The following TDRD9 variants were observed in gnomAD, a reference collection of about 807,000 sequenced individuals.
TDRD9 encodes ATP-dependent RNA helicase TDRD9.
TDRD9 carries 124 observed loss-of-function variants against 172.6 expected under a neutral mutation model. The ratio of observed to expected loss-of-function variants is 0.72; its 90% CI spans 0.62 to 0.83. TDRD9 has a LOEUF of 0.83. Ranked by LOEUF, TDRD9 falls within the 40% of genes least tolerant of loss-of-function variation. The probability of loss-of-function intolerance (pLI) is 0.00; values close to 1 mark genes in which losing one functional copy is unlikely to be tolerated. For synonymous variants in TDRD9, 619 were observed against 617.1 expected (o/e 1.00, Z -0.05); for missense variants, 1,479 against 1,714.1 (o/e 0.86, Z 2.42).
At position 104,026,858 on chromosome 14, in the gene TDRD9, G is replaced by A. The variant is rs1466599159; in HGVS notation, c.3201G>A (p.Gly1067=). The A allele has an allele frequency of 6.2e-7, 1 of 1,614,008 alleles. No individual in the cohort carries two copies. The highest frequency in any genetic ancestry group is 2.2e-5 in the East Asian group (1 of 44,880). The change falls in exon 28 of 36, where the codon GGG becomes GGA. Residue 1067 remains glycine (G), a synonymous_variant. Coordinates refer to ENST00000409874, the MANE Select transcript of TDRD9 (RefSeq NM_153046.3). ...ACGTGGATGTGTACCAGTACTCAGG[G>A]GTCCAGGATGCCATCAACATAAGAG... is the stretch of plus-strand genomic sequence containing the variant. The part of the protein sequence containing the change: ...VLHVDVYQYS[G]VQDAINIRDV...
chr14:103,956,111 AATATATATATATATATATAT>A (rs1173008862), intron 2 of TDRD9, among the ~76,000 whole-genome samples: 56 of 18,366 alleles, frequency 3.0e-3, no homozygotes, highest in African/African-American at 0.015. Context: ...AAAAAAAAAA[AATATATATATATATATATAT>A]ATATATATAT....
intron 22 of TDRD9, 101 bp downstream of exon 22, chr14:104,016,189 C>T (rs2034786282): frequency 1.2e-6 from 1 of 829,434 alleles, no homozygotes; most frequent in African/African-American, 1.7e-5. Context: ...TGAATTTTCC[C>T]CTGGCGTGAA....
Position 104,037,031 on chromosome 14 carries a change from GT to G in TDRD9, c.3716+1987del, listed in dbSNP as rs373489887. ...GTCTCACTCTGTCTCTAAGGTTGGA[GT>G]TTTTTTTTTTTAATTTGTTGAGTGA... On this transcript the variant is annotated intron_variant, in intron 32 of 35. Coordinates refer to ENST00000409874, the MANE Select transcript of TDRD9 (RefSeq NM_153046.3). Among the ~76,000 whole-genome samples, 1,222 of 146,178 alleles carry G rather than the reference GT, an allele frequency of 8.4e-3. 6 individuals are homozygous for G. The highest frequency in any genetic ancestry group is 0.025 in the Middle Eastern group (7 of 278).
At chr14:103,937,869 A>ATTTTTTTTTTTTTTTTTTTTT (rs2030877082) in intron 1 of TDRD9, among the ~76,000 whole-genome samples, 5 of 130,748 alleles carry the variant, frequency 3.8e-5, no homozygotes, top group African/African-American at 1.4e-4. Flanking sequence ...TTTTTTTTTA[A>ATTTTTTTTTTTTTTTTTTTTT]TTTTCTTTTT....
chr14:104,003,225 A>T (rs1006715339), intron 13 of TDRD9, among the ~76,000 whole-genome samples: 29 of 151,950 alleles, frequency 1.9e-4, no homozygotes, highest in African/African-American at 6.0e-4. Flanking sequence ...ACTTTAAGTT[A>T]TTTTTTTATA....
intron 31 of TDRD9, among the ~76,000 whole-genome samples, chr14:104,034,682 A>G (rs1566798559): frequency 6.6e-6 from 1 of 152,244 alleles, no homozygotes; most frequent in Non-Finnish European, 1.5e-5. Context: ...GGAAAAATCC[A>G]ATAGCCTGAT....
chr14:104,034,014 T>C lies in TDRD9; in HGVS notation c.3564T>C (p.Pro1188=), dbSNP rs1352183830. ...SINSVIISDA[P]EDLHQRMLVA... is the part of the protein sequence containing the mutation. Reference sequence around the variant, plus strand: ...ACTCTGTCATTATCAGTGACGCCCCTGAAGACCTTCACCAGAGAATGCTGG... The same window carrying C: ...ACTCTGTCATTATCAGTGACGCCCCCGAAGACCTTCACCAGAGAATGCTGG... Residue 1188 remains proline, a synonymous_variant, in exon 31 of 36, where the codon CCT becomes CCC. Transcript: ENST00000409874. 1 of 1,551,598 alleles carries C rather than the reference T, an allele frequency of 6.4e-7. No homozygotes were observed. Among genetic ancestry groups the C allele is most frequent in the Non-Finnish European group, 8.7e-7 (1 of 1,146,830 alleles).
intron 20 of TDRD9, among the ~76,000 whole-genome samples, chr14:104,012,548 T>A (rs1348725890): frequency 6.6e-6 from 1 of 151,930 alleles, no homozygotes; most frequent in Non-Finnish European, 1.5e-5. Flanking sequence ...AGTTCTCCTT[T>A]GACTTTTAGT....
rs1352161172 is a variant in TDRD9 at position 103,928,462 on chromosome 14, G to A, written c.-48G>A. ...TGCGCTTCCGCCGTCGCCTGTTCCC[G>A]CCGCGGAGACCCGGCAGTTGGGGGA... On this transcript the variant is annotated 5_prime_UTR_variant, in exon 1 of 36. Transcript: ENST00000409874. The A allele has an allele frequency of 7.0e-7, 1 of 1,418,646 alleles. No homozygotes were observed. Among genetic ancestry groups the A allele is most frequent in the Non-Finnish European group, 9.3e-7 (1 of 1,076,388 alleles). 87.9% of individuals were successfully genotyped at this position (1,418,646 alleles called of 1,614,324 possible).
At chr14:103,952,008 T>A (rs1595906768) in intron 1 of TDRD9, among the ~76,000 whole-genome samples, 1 of 150,104 alleles carries the variant, frequency 6.7e-6, no homozygotes. Context: ...GACCTTGTGA[T>A]CCGCCCGCCT....
chr14:103,992,917 TCCA>T (rs2033922372), intron 9 of TDRD9, among the ~76,000 whole-genome samples: 3 of 92,684 alleles, frequency 3.2e-5, no homozygotes, highest in African/African-American at 1.4e-4. Flanking sequence ...AGAGCGAGAC[TCCA>T]TCTCAAAAAA....
intron 6 of TDRD9, among the ~76,000 whole-genome samples, chr14:103,974,780 A>G (rs886507587): frequency 1.3e-5 from 2 of 152,060 alleles, no homozygotes; most frequent in Non-Finnish European, 2.9e-5. Flanking sequence ...AGCTGGGACT[A>G]CAAGAGGGCA....
chr14:104,006,139 A>G (rs1203482195), intron 15 of TDRD9, among the ~76,000 whole-genome samples: 1 of 152,234 alleles, frequency 6.6e-6, no homozygotes, highest in African/African-American at 2.4e-5. Context: ...TGAGGTGAGT[A>G]GAATTCTGTG....
At chr14:104,039,385 G>C (rs180943935) in intron 32 of TDRD9, among the ~76,000 whole-genome samples, 14 of 152,196 alleles carry the variant, frequency 9.2e-5, no homozygotes, top group Non-Finnish European at 1.8e-4. Flanking sequence ...GCCACACAGC[G>C]TGAGTTTTAC....
chr14:104,039,584 A>G (rs941277928), intron 32 of TDRD9, among the ~76,000 whole-genome samples: 16 of 152,200 alleles, frequency 1.1e-4, no homozygotes, highest in Non-Finnish European at 1.9e-4. Context: ...TTGGTCGGAA[A>G]GTTGTTACCA....
Position 103,984,472 on chromosome 14 carries a change from G to A in TDRD9, c.1012-1745G>A, listed in dbSNP as rs150677632. ...AAGAGGCCAACAAAGAGCTCATGCC[G>A]TGTCTTCAGAGGGTGCAAGCCTCAA... On this transcript the variant is annotated intron_variant, in intron 7 of 35. Coordinates refer to ENST00000409874, the MANE Select transcript of TDRD9 (RefSeq NM_153046.3). Among the ~76,000 whole-genome samples the A allele has an allele frequency of 8.5e-5, 13 of 152,340 alleles. No homozygotes were observed. The East Asian group carries it at 9.6e-4, about 11-fold the overall frequency.
At chr14:103,935,776 A>G (rs1310072018) in intron 1 of TDRD9, among the ~76,000 whole-genome samples, 1 of 152,160 alleles carries the variant, frequency 6.6e-6, no homozygotes, top group East Asian at 1.9e-4. Context: ...GGCCCACTTT[A>G]ATCAACAGCT....
rs1272867908 is a variant in TDRD9 at position 103,997,589 on chromosome 14, G to A, written c.1379-1035G>A. On this transcript the variant is annotated intron_variant, in intron 12 of 35. Coordinates refer to ENST00000409874, the MANE Select transcript of TDRD9 (RefSeq NM_153046.3). This position sits in a 1 kb window ranked among gnomAD's most constrained non-coding sequence, Gnocchi z 5.1. ...GGGCCAGGGAGCAGCTGGCGGGGGC[G>A]TCAGCCCGTGACTGGCGTTGGAAGG... Among the ~76,000 whole-genome samples the A allele has an allele frequency of 1.3e-5, 2 of 152,354 alleles. No homozygotes were observed. The highest frequency in any genetic ancestry group is 1.3e-4 in the Admixed American group (2 of 15,310).
chr14:103,935,488 G>T (rs535799031), intron 1 of TDRD9, among the ~76,000 whole-genome samples: 2 of 152,276 alleles, frequency 1.3e-5, no homozygotes, highest in African/African-American at 4.8e-5. Flanking sequence ...ATTAGTTTGT[G>T]GGGGGATACC....
Sources: gnomAD v4.1 joint callset for allele counts (sites outside exome capture counted in the v4.1 genomes callset) on GRCh38, gnomAD v4.1.1 for gene constraint, Gnocchi (gnomAD v3.1) non-coding constraint, MANE v1.5 for transcripts, NCBI Gene and HGNC (gene_info 2026-07-23, HGNC 2026-07-21) for gene names.